The following PDGFRL variants were observed in gnomAD, a reference collection of about 807,000 sequenced individuals.
The protein encoded by PDGFRL is platelet-derived growth factor receptor-like protein.
In PDGFRL, 46 loss-of-function variants were observed where a neutral mutation model predicts 37.2. The observed-to-expected ratio is 1.24, with a 90% confidence interval of 0.98 to 1.58. The LOEUF is 1.58. Among genes scored for constraint, PDGFRL ranks in the 40% most tolerant of loss-of-function variants. PDGFRL has a pLI of 0.00. For missense variants in PDGFRL, 692 were observed against 467.6 expected (o/e 1.48, Z -4.43); for synonymous variants, 251 against 184.3 (o/e 1.36, Z -2.93).
intron 1 of PDGFRL, among the ~76,000 whole-genome samples, chr8:17,584,737 A>G (rs930410681): frequency 1.4e-5 from 2 of 147,400 alleles, no homozygotes; most frequent in Non-Finnish European, 3.0e-5. Flanking sequence ...TTTTTTAAAG[A>G]TACTTTAAAC....
chr8:17,637,293 G>C (rs1804990526), intron 5 of PDGFRL, among the ~76,000 whole-genome samples: 1 of 152,096 alleles, frequency 6.6e-6, no homozygotes, highest in Non-Finnish European at 1.5e-5. Flanking sequence ...AATCATAAAG[G>C]GATGCTGGAT....
rs545097872 is a variant in PDGFRL, at chr8:17,637,342, T to G, written c.939+3129T>G. Among the ~76,000 whole-genome samples, 292 of 152,326 alleles carry G rather than the reference T, an allele frequency of 1.9e-3. 2 individuals are homozygous for G. Among genetic ancestry groups the G allele is most frequent in the Non-Finnish European group, 3.4e-3 (231 of 68,032 alleles). ...TTTTGTGTGTCTGTTGAGATGATCA[T>G]GTGATTTTTTGTTTTTAATTCTATG... On this transcript the variant is annotated intron_variant, in intron 5 of 5. Transcript: ENST00000251630.
At chr8:17,607,332 A>G (rs932015042) in intron 2 of PDGFRL, among the ~76,000 whole-genome samples, 6 of 152,158 alleles carry the variant, frequency 3.9e-5, no homozygotes, top group Admixed American at 1.3e-4. Context: ...AGCACGTTCT[A>G]TAGTTTTGGG....
intron 2 of PDGFRL, among the ~76,000 whole-genome samples, chr8:17,594,635 A>G (rs1187685254): frequency 3.6e-5 from 5 of 137,538 alleles, no homozygotes; most frequent in East Asian, 2.2e-4. Flanking sequence ...GCTCACGGCA[A>G]CCTCCGCCTC....
At chr8:17,578,681 C>G (rs1049126976) in intron 1 of PDGFRL, among the ~76,000 whole-genome samples, 3 of 152,116 alleles carry the variant, frequency 2.0e-5, no homozygotes, top group Admixed American at 1.3e-4. Context: ...ACCCAACTTG[C>G]CAGTCTTAGA....
At chr8:17,637,338 A>G (rs1266969618) in intron 5 of PDGFRL, among the ~76,000 whole-genome samples, 1 of 152,130 alleles carries the variant, frequency 6.6e-6, no homozygotes, top group Non-Finnish European at 1.5e-5. Flanking sequence ...TGTTGAGATG[A>G]TCATGTGATT....
At position 17,628,712 on chromosome 8, in the gene PDGFRL, T is replaced by C; in HGVS notation, c.731T>C (p.Val244Ala). The C allele has an allele frequency of 6.2e-7, 1 of 1,614,024 alleles. No individual in the cohort carries two copies. The highest frequency in any genetic ancestry group is 1.1e-5 in the South Asian group (1 of 91,072). The change falls in exon 4 of 6, where the codon GTT becomes GCT. Residue 244 changes from valine (V) to alanine (A), a missense_variant. Coordinates refer to ENST00000251630, the MANE Select transcript of PDGFRL (RefSeq NM_001372073.1). ...LQPHSEHQGVVYCRAEAGGRS... is the reference protein window; with the variant it reads ...LQPHSEHQGVAYCRAEAGGRS... ...CCTCATTCCGAGCACCAGGGTGTGGTTTACTGCAGGGCGGAGGCCGGGGGC... is the reference window on the plus strand; with the variant it reads ...CCTCATTCCGAGCACCAGGGTGTGGCTTACTGCAGGGCGGAGGCCGGGGGC...
At chr8:17,597,549 C>T (rs1365036190) in intron 2 of PDGFRL, among the ~76,000 whole-genome samples, 1 of 23,364 alleles carries the variant, frequency 4.3e-5, no homozygotes, top group Non-Finnish European at 1.8e-4. Flanking sequence ...ATGCAATATA[C>T]ATTTTTTTTT....
chr8:17,578,992 G>A lies in PDGFRL; in HGVS notation c.55+1685G>A, dbSNP rs375837275. Among the ~76,000 whole-genome samples, 15 of 152,156 alleles carry A rather than the reference G, an allele frequency of 9.9e-5. No homozygotes were observed. In the East Asian group the frequency reaches 2.7e-3, roughly 27 times the overall value. The stretch of plus-strand genomic sequence containing the variant: ...AGGCAGGTGGATCACAAGGTCAGGA[G>A]TTCAAGACCAGCCTGGCCAAGATGG... On this transcript the variant is annotated intron_variant, in intron 1 of 5. Coordinates refer to ENST00000251630, the MANE Select transcript of PDGFRL (RefSeq NM_001372073.1).
intron 2 of PDGFRL, among the ~76,000 whole-genome samples, chr8:17,597,229 C>T (rs1804072976): frequency 6.6e-6 from 1 of 152,214 alleles, no homozygotes; most frequent in Non-Finnish European, 1.5e-5. Context: ...GTAAGTTGGC[C>T]AGGCTGGTCT....
In PDGFRL at chr8:17,642,597, G is replaced by C. The variant is rs560417698; in HGVS notation, c.940-16G>C. The C allele has an allele frequency of 6.4e-7, 1 of 1,556,700 alleles. No homozygotes were observed. Among genetic ancestry groups the C allele is most frequent in the Non-Finnish European group, 8.9e-7 (1 of 1,128,278 alleles). On this transcript the variant is annotated splice_polypyrimidine_tract_variant and intron_variant, in intron 5 of 5. Coordinates refer to ENST00000251630, the MANE Select transcript of PDGFRL (RefSeq NM_001372073.1). The stretch of plus-strand genomic sequence containing the variant: ...TTGTCCCTCTTGCTTCAGTCTTTGT[G>C]GGTGTCGTTAAACAGGATGAAAGGC...
intron 5 of PDGFRL, among the ~76,000 whole-genome samples, chr8:17,641,217 A>G (rs1805085278): frequency 6.6e-6 from 1 of 152,208 alleles, no homozygotes; most frequent in Non-Finnish European, 1.5e-5. Context: ...GAAAGCAAAC[A>G]GGGTTTTCAG....
At chr8:17,579,258 A>G (rs1184556842) in intron 1 of PDGFRL, among the ~76,000 whole-genome samples, 4 of 152,190 alleles carry the variant, frequency 2.6e-5, no homozygotes, top group African/African-American at 9.7e-5. Context: ...TTATGGATAC[A>G]ATAGTGAACA....
intron 5 of PDGFRL, among the ~76,000 whole-genome samples, chr8:17,636,418 G>T (rs567433787): frequency 5.3e-5 from 8 of 152,002 alleles, no homozygotes; most frequent in Non-Finnish European, 1.0e-4. Context: ...TCAAAGATCA[G>T]TGTAAGTATT....
intron 3 of PDGFRL, among the ~76,000 whole-genome samples, chr8:17,624,943 A>G (rs1290222145): frequency 6.6e-6 from 1 of 152,138 alleles, no homozygotes; most frequent in Non-Finnish European, 1.5e-5. Flanking sequence ...ATTTGGATTT[A>G]GTTTATAGCT....
intron 2 of PDGFRL, among the ~76,000 whole-genome samples, chr8:17,601,733 TC>T (rs1804170450): frequency 6.6e-6 from 1 of 152,152 alleles, no homozygotes; most frequent in Non-Finnish European, 1.5e-5. Flanking sequence ...AGTCTTCAGT[TC>T]CTGTGTTGGT....
rs1804341173 is a variant in PDGFRL, at chr8:17,608,781, A to T, written c.354-12270A>T. ...GAGCAACAGAAGACAGTGTGTGGTC[A>T]AGTGTGAGTGTGGAGCGGCTGATAG... On this transcript the variant is annotated intron_variant, in intron 2 of 5. Transcript: ENST00000251630. 2.0e-5 allele frequency among the ~76,000 whole-genome samples: 3 copies of T among 152,230 alleles called. No homozygotes were observed. In the South Asian group the frequency reaches 6.2e-4, roughly 31 times the overall value.
chr8:17,597,300 C>T (rs999271350), intron 2 of PDGFRL, among the ~76,000 whole-genome samples: 3 of 152,220 alleles, frequency 2.0e-5, no homozygotes, highest in Non-Finnish European at 1.5e-5. Context: ...AGATTTCAGG[C>T]ATGAGCCTCC....
At chr8:17,578,266 A>T (rs1008889903) in intron 1 of PDGFRL, among the ~76,000 whole-genome samples, 1 of 152,152 alleles carries the variant, frequency 6.6e-6, no homozygotes, top group Admixed American at 6.5e-5. Flanking sequence ...CTGTTATGCA[A>T]CTTCATGCTG....
Sources: allele counts gnomAD v4.1 joint callset (sites outside exome capture counted in the v4.1 genomes callset), GRCh38; gene constraint gnomAD v4.1.1; transcripts MANE v1.5; gene names NCBI Gene and HGNC (gene_info 2026-07-23, HGNC 2026-07-21).